Variants in DIP2C observed in about 807,000 individuals in gnomAD.
DIP2C encodes DIP2 acetate--CoA ligase C (putative), also known as disco-interacting protein 2 homolog C.
A neutral mutation model predicts 192.4 loss-of-function variants in DIP2C; 33 were observed. The observed-to-expected ratio is 0.17, with a 90% CI of 0.13 to 0.23. The LOEUF (loss-of-function observed/expected upper bound fraction) is 0.23, where lower values mean the gene tolerates loss of function less well. Ranked by LOEUF, DIP2C falls within the 10% of genes least tolerant of loss-of-function variation. The pLI is 1.00. For synonymous variants in DIP2C, 979 were observed against 864.1 expected, an observed-to-expected ratio of 1.13 and a Z score of -2.33; for missense variants, 1,537 against 2,110.1, an observed-to-expected ratio of 0.73 and a Z score of 5.32.
At chr10:462,319 A>C (rs1451800921) in intron 3 of DIP2C, among the ~76,000 whole-genome samples, 1 of 152,214 alleles carries the variant, frequency 6.6e-6, no homozygotes, top group Non-Finnish European at 1.5e-5. Context: ...AATCAAATAG[A>C]CACAATAAGA....
chr10:428,930 T>A (rs1328451563), intron 4 of DIP2C, among the ~76,000 whole-genome samples: 1 of 152,114 alleles, frequency 6.6e-6, no homozygotes, highest in Admixed American at 6.5e-5. Flanking sequence ...TTTTCCAGCT[T>A]TATAGTGATG....
At chr10:352,842 G>A (rs1324997053) in intron 24 of DIP2C, among the ~76,000 whole-genome samples, 5 of 152,146 alleles carry the variant, frequency 3.3e-5, no homozygotes, top group Admixed American at 6.5e-5. Flanking sequence ...CTCCACACAC[G>A]TGACACTGTT....
chr10:519,746 G>T (rs113255326), intron 1 of DIP2C, among the ~76,000 whole-genome samples: 3,664 of 152,354 alleles, frequency 0.024, 146 homozygotes, highest in African/African-American at 0.082. Flanking sequence ...CCTGCTCATC[G>T]CTAACACTTT....
At chr10:407,318 TG>T (rs1320165812) in intron 9 of DIP2C, among the ~76,000 whole-genome samples, 7 of 152,204 alleles carry the variant, frequency 4.6e-5, no homozygotes, top group African/African-American at 1.7e-4. Flanking sequence ...TCCCTTCTAA[TG>T]GGAAATCCAC....
chr10:494,950 A>G (rs1189363848), intron 1 of DIP2C, among the ~76,000 whole-genome samples: 1 of 152,256 alleles, frequency 6.6e-6, no homozygotes, highest in Non-Finnish European at 1.5e-5. Flanking sequence ...CCACTGCAGC[A>G]CTATTGACAA....
At position 402,532 on chromosome 10, in the gene DIP2C, C is replaced by A. The variant is rs374044011; in HGVS notation, c.1150-3313G>T. Reference sequence around the variant, plus strand: ...TTATGGACAAGTTTGGTATGTGTTCCTCAGCACATGAATCCTGTGATTTTA... The same window carrying A: ...TTATGGACAAGTTTGGTATGTGTTCATCAGCACATGAATCCTGTGATTTTA... On this transcript the variant is annotated intron_variant, in intron 9 of 36. Coordinates refer to ENST00000280886, the MANE Select transcript of DIP2C (RefSeq NM_014974.3). Among the ~76,000 whole-genome samples the A allele has an allele frequency of 3.6e-3, 29 of 8,126 alleles. No individual in the cohort carries two copies. In the Non-Finnish European group the frequency reaches 0.037, roughly 11 times the overall value. The allele number at this position is 8,126 out of a possible 152,430, so 5.3% of individuals were successfully genotyped here. A position where few individuals can be genotyped will look rare whatever the true frequency, so the allele number is the denominator to read the frequency against.
At chr10:509,838 G>A (rs1196295595) in intron 1 of DIP2C, among the ~76,000 whole-genome samples, 1 of 152,096 alleles carries the variant, frequency 6.6e-6, no homozygotes, top group Admixed American at 6.5e-5. Context: ...GGACAGGGCC[G>A]CCGCAGTCTC....
intron 1 of DIP2C, among the ~76,000 whole-genome samples, chr10:604,126 G>C (rs1403751094): frequency 1.3e-5 from 2 of 150,840 alleles, no homozygotes; most frequent in African/African-American, 4.9e-5. Flanking sequence ...GCATGTGTGT[G>C]AGGACACTGG....
At chr10:344,270 C>G (rs1476614717) in intron 28 of DIP2C, among the ~76,000 whole-genome samples, 2 of 152,098 alleles carry the variant, frequency 1.3e-5, no homozygotes, top group East Asian at 3.9e-4. Context: ...TATTCCACCT[C>G]AGTTCTACTA....
chr10:382,066 G>A (rs539073139), intron 17 of DIP2C, among the ~76,000 whole-genome samples: 4 of 152,352 alleles, frequency 2.6e-5, no homozygotes, highest in Admixed American at 2.6e-4. Context: ...TGTCAAGTGT[G>A]TGCGTATCAC....
At chr10:566,246 C>T (rs930758605) in intron 1 of DIP2C, among the ~76,000 whole-genome samples, 1 of 152,188 alleles carries the variant, frequency 6.6e-6, no homozygotes, top group African/African-American at 2.4e-5. Context: ...TTTTTTGCCC[C>T]TTTTTAAACT....
intron 34 of DIP2C, among the ~76,000 whole-genome samples, chr10:285,501 C>T (rs1015159462): frequency 6.6e-6 from 1 of 152,204 alleles, no homozygotes; most frequent in African/African-American, 2.4e-5. Context: ...ACACGTGCTG[C>T]CACCGTGGGA....
At chr10:422,040 A>AT (rs71376833) in intron 5 of DIP2C, among the ~76,000 whole-genome samples, 66,259 of 151,758 alleles carry the variant, frequency 0.44, 14,869 homozygotes, top group East Asian at 0.51. Context: ...CCCACTGATG[A>AT]TTTTTTCAGG....
chr10:578,591 T>G (rs756979187), intron 1 of DIP2C, among the ~76,000 whole-genome samples: 2 of 152,218 alleles, frequency 1.3e-5, no homozygotes, highest in Non-Finnish European at 2.9e-5. Flanking sequence ...TTCACTAGCT[T>G]GTAATGAACA....
intron 1 of DIP2C, among the ~76,000 whole-genome samples, chr10:582,108 G>A (rs71489254): frequency 1.3e-5 from 2 of 152,084 alleles, no homozygotes; most frequent in Non-Finnish European, 2.9e-5. Flanking sequence ...GATCCAAGAG[G>A]AGGCGGAGCT....
chr10:320,544 A>G (rs2132389486), intron 31 of DIP2C, among the ~76,000 whole-genome samples: 2 of 151,874 alleles, frequency 1.3e-5, no homozygotes, highest in Admixed American at 1.3e-4. Flanking sequence ...CAGTACTTTG[A>G]CAAAATGTAT....
At chr10:547,987 T>C (rs950695843) in intron 1 of DIP2C, among the ~76,000 whole-genome samples, 1 of 152,154 alleles carries the variant, frequency 6.6e-6, no homozygotes, top group Non-Finnish European at 1.5e-5. Flanking sequence ...AACCCACTCA[T>C]TGTGTGAAGC....
chr10:544,614 G>A (rs1012024472), intron 1 of DIP2C, among the ~76,000 whole-genome samples: 4 of 151,882 alleles, frequency 2.6e-5, no homozygotes, highest in Non-Finnish European at 4.4e-5. Flanking sequence ...CCAGTACTGG[G>A]GTTTTACCCA....
intron 4 of DIP2C, among the ~76,000 whole-genome samples, chr10:438,066 C>A (rs927049169): frequency 6.6e-6 from 1 of 152,176 alleles, no homozygotes; most frequent in Non-Finnish European, 1.5e-5. Context: ...CACAAGGACT[C>A]CTGATGAAAA....
Sources: allele counts gnomAD v4.1 joint callset (sites outside exome capture counted in the v4.1 genomes callset), GRCh38; gene constraint gnomAD v4.1.1; transcripts MANE v1.5; gene names NCBI Gene and HGNC (gene_info 2026-07-23, HGNC 2026-07-21).